Variants in F13A1 observed in about 807,000 individuals in gnomAD.
F13A1 encodes the protein FSF, A subunit.
A neutral mutation model predicts 80.1 loss-of-function variants in F13A1; 47 were observed. The ratio of observed to expected loss-of-function variants is 0.59; its 90% confidence interval spans 0.46 to 0.75. The LOEUF (loss-of-function observed/expected upper bound fraction) is 0.75. Among genes scored for constraint, F13A1 ranks in the 30% least tolerant of loss-of-function variants. The pLI is 0.00. For missense variants in F13A1, 817 were observed against 930.4 expected (o/e 0.88, Z 1.59); for synonymous variants, 349 against 344.9 (o/e 1.01, Z -0.13).
intron 4 of F13A1, among the ~76,000 whole-genome samples, chr6:6,256,928 T>C (rs1415040194): frequency 1.3e-5 from 2 of 152,220 alleles, no homozygotes; most frequent in African/African-American, 2.4e-5. Context: ...CTAGAACAGC[T>C]AACCTACATG....
At chr6:6,283,677 T>C (rs977367511) in intron 3 of F13A1, among the ~76,000 whole-genome samples, 1 of 152,256 alleles carries the variant, frequency 6.6e-6, no homozygotes, top group African/African-American at 2.4e-5. Context: ...CCTTCCTTTT[T>C]TTTTTCCATC....
At chr6:6,160,100 A>G (rs368695645) in intron 13 of F13A1, among the ~76,000 whole-genome samples, 1 of 151,734 alleles carries the variant, frequency 6.6e-6, no homozygotes, top group East Asian at 2.0e-4. Flanking sequence ...AACGTGGTGA[A>G]ACCCTGTCTC....
intron 11 of F13A1, among the ~76,000 whole-genome samples, chr6:6,181,149 A>G (rs1183523160): frequency 2.0e-5 from 3 of 152,144 alleles, no homozygotes; most frequent in Admixed American, 2.0e-4. Flanking sequence ...AACTTTGGTC[A>G]TGTTCACACT....
chr6:6,283,591 C>T (rs1297547209), intron 3 of F13A1, among the ~76,000 whole-genome samples: 3 of 151,530 alleles, frequency 2.0e-5, no homozygotes, highest in Admixed American at 1.3e-4. Context: ...GAGTTTGTTT[C>T]GAAATTTAAA....
At chr6:6,288,087 T>G (rs1023607893) in intron 3 of F13A1, among the ~76,000 whole-genome samples, 13 of 152,236 alleles carry the variant, frequency 8.5e-5, no homozygotes, top group South Asian at 2.1e-4. Context: ...TGTAGAAAGA[T>G]TCAATCAGCT....
chr6:6,251,024 T>A, intron 4 of F13A1, 95 bp from the exon 5 acceptor site: 1 of 972,484 alleles, frequency 1.0e-6, no homozygotes. Flanking sequence ...CTAAACTACA[T>A]TTAATCAGCC....
intron 11 of F13A1, among the ~76,000 whole-genome samples, chr6:6,177,479 G>A (rs1037735651): frequency 2.0e-5 from 3 of 152,192 alleles, no homozygotes; most frequent in African/African-American, 7.2e-5. Context: ...GCATCCCCAG[G>A]CCCTGAAACC....
intron 13 of F13A1, among the ~76,000 whole-genome samples, chr6:6,165,040 A>G (rs1760642005): frequency 6.6e-6 from 1 of 152,178 alleles, no homozygotes; most frequent in Admixed American, 6.5e-5. Context: ...CCTTGGAGTT[A>G]GTTGGGCTAA....
At chr6:6,199,422 G>A (rs761384489) in intron 8 of F13A1, among the ~76,000 whole-genome samples, 5 of 152,056 alleles carry the variant, frequency 3.3e-5, no homozygotes, top group South Asian at 2.1e-4. Context: ...CCCGGGAGGC[G>A]GAGCTTGCAG....
chr6:6,156,260 C>G (rs891705812), intron 13 of F13A1, among the ~76,000 whole-genome samples: 1 of 152,202 alleles, frequency 6.6e-6, no homozygotes, highest in Non-Finnish European at 1.5e-5. Flanking sequence ...TGATAATGAG[C>G]TGCTACTCTG....
intron 4 of F13A1, among the ~76,000 whole-genome samples, chr6:6,264,511 AAAT>A (rs1757818315): frequency 6.6e-6 from 1 of 152,174 alleles, no homozygotes; most frequent in African/African-American, 2.4e-5. Flanking sequence ...CTGGACTCCT[AAAT>A]GATGGTGTTC....
chr6:6,266,790 G>A lies in F13A1; in HGVS notation c.339C>T (p.Asn113=). 6.2e-7 allele frequency: 1 copy of A among 1,614,142 alleles called. No homozygotes were observed. Among genetic ancestry groups the A allele is most frequent in the East Asian group, 2.2e-5 (1 of 44,882 alleles). ...EYVIGRYPQE[N]KGTYIPVPIV... is the part of the protein sequence containing the mutation. ...TAGGCACTGGGATGTAGGTTCCCTT[G>A]TTCTCCTGTGGGTAGCGACCTATGA... Residue 113 remains asparagine (N), a synonymous_variant, in exon 4 of 15, where the codon AAC becomes AAT. Coordinates refer to ENST00000264870, the MANE Select transcript of F13A1 (RefSeq NM_000129.4).
intron 2 of F13A1, among the ~76,000 whole-genome samples, chr6:6,312,958 A>C (rs540159850): frequency 7.2e-5 from 11 of 152,154 alleles, no homozygotes; most frequent in Non-Finnish European, 1.6e-4. Flanking sequence ...AGGTCAACCA[A>C]GTATTTGGTT....
intron 3 of F13A1, among the ~76,000 whole-genome samples, chr6:6,278,384 G>A (rs141709493): frequency 7.0e-4 from 106 of 152,316 alleles, no homozygotes; most frequent in African/African-American, 2.4e-3. Flanking sequence ...GAAGAGACTT[G>A]AGAAAAGTGA....
intron 13 of F13A1, among the ~76,000 whole-genome samples, chr6:6,158,466 C>T (rs1269192540): frequency 6.6e-6 from 1 of 152,108 alleles, no homozygotes; most frequent in Non-Finnish European, 1.5e-5. Flanking sequence ...AACATGTTGC[C>T]AGGGTGACCC....
At chr6:6,287,879 G>A (rs1758160463) in intron 3 of F13A1, among the ~76,000 whole-genome samples, 1 of 152,192 alleles carries the variant, frequency 6.6e-6, no homozygotes, top group Admixed American at 6.5e-5. Flanking sequence ...GATGTAACAA[G>A]GAGACTGGGT....
Position 6,296,338 on chromosome 6 carries a change from G to A in F13A1, c.319+9013C>T, listed in dbSNP as rs1210930537. Among the ~76,000 whole-genome samples the A allele has an allele frequency of 2.7e-5, 4 of 149,178 alleles. No individual in the cohort carries two copies. In the East Asian group the frequency reaches 7.9e-4, roughly 29 times the overall value. On this transcript the variant is annotated intron_variant, in intron 3 of 14. Transcript: ENST00000264870. ...TTGAATCTGTAAATTACCTTGGGCA[G>A]TATGGCCATTTTCACGATATTGATT... is the stretch of plus-strand genomic sequence containing the variant.
intron 3 of F13A1, among the ~76,000 whole-genome samples, chr6:6,288,379 A>C (rs1057035260): frequency 1.3e-5 from 2 of 152,066 alleles, no homozygotes; most frequent in Admixed American, 6.6e-5. Flanking sequence ...TGTGTTTCTG[A>C]GATTGACTTT....
At chr6:6,158,905 CT>C (rs757943032) in intron 13 of F13A1, among the ~76,000 whole-genome samples, 63 of 95,868 alleles carry the variant, frequency 6.6e-4, no homozygotes, top group South Asian at 7.1e-4. Context: ...TTTTTTCTTT[CT>C]TTTTTTTTTT....
Sources: gnomAD v4.1 joint callset for allele counts (sites outside exome capture counted in the v4.1 genomes callset) on GRCh38, gnomAD v4.1.1 for gene constraint, MANE v1.5 for transcripts, NCBI Gene and HGNC (gene_info 2026-07-23, HGNC 2026-07-21) for gene names.